The following GRM7 variants were observed in gnomAD, a reference collection of about 807,000 sequenced individuals.
The protein encoded by GRM7 is metabotropic glutamate receptor 7.
GRM7 carries 35 observed loss-of-function variants against 84.5 expected under a neutral mutation model. The ratio of observed to expected loss-of-function variants is 0.41; its 90% CI spans 0.32 to 0.55. The LOEUF (loss-of-function observed/expected upper bound fraction) is 0.55, where lower values mean the gene tolerates loss of function less well. GRM7 is among the 20% of genes least tolerant of loss of function. The probability of loss-of-function intolerance (pLI) is 0.19; values close to 1 mark genes in which losing one functional copy is unlikely to be tolerated. For synonymous variants in GRM7, 487 were observed against 455.1 expected (o/e 1.07, Z -0.89); for missense variants, 1,003 against 1,194.6 (o/e 0.84, Z 2.36).
At chr3:7,494,328 T>C (rs1454666058) in intron 7 of GRM7, among the ~76,000 whole-genome samples, 1 of 152,186 alleles carries the variant, frequency 6.6e-6, no homozygotes. Flanking sequence ...AATGAGGAAA[T>C]ATACTGTCAA....
chr3:7,100,146 G>T (rs986029927), intron 1 of GRM7, among the ~76,000 whole-genome samples: 2 of 151,226 alleles, frequency 1.3e-5, no homozygotes, highest in African/African-American at 4.9e-5. Flanking sequence ...ATAGAAAAAT[G>T]GCACAGAAAC....
intron 5 of GRM7, among the ~76,000 whole-genome samples, chr3:7,416,770 G>A (rs538488948): frequency 6.6e-6 from 1 of 152,160 alleles, no homozygotes; most frequent in South Asian, 2.1e-4. Flanking sequence ...GGGGAAAAGG[G>A]AAAATATTAA....
chr3:7,065,600 G>A (rs1697625706), intron 1 of GRM7, among the ~76,000 whole-genome samples: 1 of 151,934 alleles, frequency 6.6e-6, no homozygotes, highest in African/African-American at 2.4e-5. Flanking sequence ...TAGCCTTATA[G>A]TATAGTTTGA....
rs911715386 is a variant in GRM7 at position 7,366,798 on chromosome 3, T to G, written c.1034-48225T>G. Among the ~76,000 whole-genome samples, 4 of 151,840 alleles carry G rather than the reference T, an allele frequency of 2.6e-5. No homozygotes were observed. In the East Asian group the frequency reaches 7.7e-4, roughly 29 times the overall value. On this transcript the variant is annotated intron_variant, in intron 4 of 9. Coordinates refer to ENST00000357716, the MANE Select transcript of GRM7 (RefSeq NM_000844.4). The stretch of plus-strand genomic sequence containing the variant: ...GTATATTAATTATCACTCTACTCTC[T>G]TATCAGTTTTTCTTATAAAAGTAAT...
At chr3:7,071,940 T>C (rs978352648) in intron 1 of GRM7, among the ~76,000 whole-genome samples, 1 of 152,114 alleles carries the variant, frequency 6.6e-6, no homozygotes, top group Non-Finnish European at 1.5e-5. Context: ...GAGAACGGTC[T>C]ACCAAAAAAA....
At chr3:7,613,635 C>T (rs550485674) in intron 8 of GRM7, among the ~76,000 whole-genome samples, 1 of 152,240 alleles carries the variant, frequency 6.6e-6, no homozygotes, top group South Asian at 2.1e-4. Flanking sequence ...TGAGCATTCT[C>T]CTGAACACAT....
chr3:7,195,129 A>G (rs978728423), intron 2 of GRM7, among the ~76,000 whole-genome samples: 2 of 152,172 alleles, frequency 1.3e-5, no homozygotes, highest in Non-Finnish European at 2.9e-5. Context: ...CAAAATATAC[A>G]TGATGATGAT....
At chr3:7,495,419 G>T (rs1416097657) in intron 7 of GRM7, among the ~76,000 whole-genome samples, 1 of 152,130 alleles carries the variant, frequency 6.6e-6, no homozygotes, top group Non-Finnish European at 1.5e-5. Context: ...AAGGGGCCAG[G>T]CTTCTTGCTA....
chr3:7,111,640 G>C (rs1461676093), intron 1 of GRM7, among the ~76,000 whole-genome samples: 1 of 152,066 alleles, frequency 6.6e-6, no homozygotes, highest in Non-Finnish European at 1.5e-5. Context: ...AGGATAATTG[G>C]ATAGACTCAT....
At chr3:7,379,377 G>A (rs1480214654) in intron 4 of GRM7, among the ~76,000 whole-genome samples, 1 of 152,158 alleles carries the variant, frequency 6.6e-6, no homozygotes, top group Non-Finnish European at 1.5e-5. Flanking sequence ...ACAGGTGCGA[G>A]CCACCATGCC....
intron 7 of GRM7, among the ~76,000 whole-genome samples, chr3:7,547,185 G>A (rs938809510): frequency 6.9e-6 from 1 of 145,042 alleles, no homozygotes; most frequent in African/African-American, 2.6e-5. Context: ...AGCCCCCAGA[G>A]AGTGAATTCT....
chr3:7,356,098 CAT>C (rs1455530910), intron 4 of GRM7, among the ~76,000 whole-genome samples: 4 of 152,050 alleles, frequency 2.6e-5, no homozygotes, highest in Non-Finnish European at 5.9e-5. Flanking sequence ...TGATCAGACA[CAT>C]GTGATTTTAT....
At chr3:7,488,551 T>A (rs2124946783) in intron 7 of GRM7, among the ~76,000 whole-genome samples, 1 of 151,924 alleles carries the variant, frequency 6.6e-6, no homozygotes, top group Non-Finnish European at 1.5e-5. Context: ...CTGGCCCTCG[T>A]ATTTGCTCTC....
At chr3:7,588,239 C>A (rs1695612978) in intron 8 of GRM7, among the ~76,000 whole-genome samples, 1 of 152,198 alleles carries the variant, frequency 6.6e-6, no homozygotes, top group African/African-American at 2.4e-5. Flanking sequence ...TGTTGAACTG[C>A]AAGCAGTTCC....
At chr3:7,571,030 A>C (rs1453606936) in intron 7 of GRM7, among the ~76,000 whole-genome samples, 1 of 152,148 alleles carries the variant, frequency 6.6e-6, no homozygotes, top group African/African-American at 2.4e-5. Context: ...TGGCTGGAAA[A>C]GCTGGGACCG....
At chr3:7,257,286 A>G (rs967319134) in intron 2 of GRM7, among the ~76,000 whole-genome samples, 1 of 152,356 alleles carries the variant, frequency 6.6e-6, no homozygotes, top group East Asian at 1.9e-4. Context: ...CATGTTGTCC[A>G]TTATATCCTC....
intron 2 of GRM7, among the ~76,000 whole-genome samples, chr3:7,265,709 T>C (rs1698610772): frequency 6.6e-6 from 1 of 152,208 alleles, no homozygotes. Flanking sequence ...GAGGGGAGCC[T>C]GTCCTCTTAT....
intron 9 of GRM7, among the ~76,000 whole-genome samples, chr3:7,734,473 G>C (rs967347633): frequency 1.3e-5 from 2 of 152,186 alleles, no homozygotes; most frequent in Non-Finnish European, 2.9e-5. Context: ...ATGTAGTAAA[G>C]TTCCTGGTGT....
chr3:6,921,472 A>G (rs1386310994), intron 1 of GRM7, among the ~76,000 whole-genome samples: 1 of 152,148 alleles, frequency 6.6e-6, no homozygotes, highest in Non-Finnish European at 1.5e-5. Flanking sequence ...AGTAGGACAC[A>G]CTAATTAGAA....
Sources: gnomAD v4.1 joint callset for allele counts (sites outside exome capture counted in the v4.1 genomes callset) on GRCh38, gnomAD v4.1.1 for gene constraint, MANE v1.5 for transcripts, NCBI Gene and HGNC (gene_info 2026-07-23, HGNC 2026-07-21) for gene names.